LDAH: variants seen among roughly 807,000 people sequenced by gnomAD.
LDAH encodes the protein lipid droplet-associated hydrolase.
Under a neutral mutation model 29.6 loss-of-function variants are expected in LDAH, and 26 were observed. That is an observed-to-expected ratio of 0.88 (90% confidence interval 0.64 to 1.22). The LOEUF is 1.22. Ranked by LOEUF, LDAH falls within the 50% of genes most tolerant of loss-of-function variation. The probability of loss-of-function intolerance (pLI) is 0.00; values close to 1 mark genes in which losing one functional copy is unlikely to be tolerated. For missense variants in LDAH, 344 were observed against 387.3 expected (o/e 0.89, Z 0.94); for synonymous variants, 117 against 133.0 (o/e 0.88, Z 0.83).
intron 5 of LDAH, among the ~76,000 whole-genome samples, chr2:20,725,647 T>C (rs1442178926): frequency 1.3e-5 from 2 of 152,234 alleles, no homozygotes; most frequent in Non-Finnish European, 2.9e-5. Flanking sequence ...CTTGATTGAC[T>C]CTACTGAGTC....
chr2:20,792,274 T>C (rs1251084389), intron 2 of LDAH, among the ~76,000 whole-genome samples: 1 of 152,138 alleles, frequency 6.6e-6, no homozygotes, highest in Non-Finnish European at 1.5e-5. Context: ...TAATAGCTAA[T>C]ATTTTTAGGT....
In LDAH at chr2:20,799,015, C is replaced by A. The variant is rs185096334; in HGVS notation, c.154+2295G>T. On this transcript the variant is annotated intron_variant, in intron 2 of 6. Coordinates refer to ENST00000237822, the MANE Select transcript of LDAH (RefSeq NM_021925.4). ...GCTGGGGTGGGCAGATCACTTGAGG[C>A]CAGGAGTTCGACACACGCCTGGCCA... 3.7e-4 allele frequency among the ~76,000 whole-genome samples: 57 copies of A among 152,120 alleles called. No homozygotes were observed. The South Asian group carries it at 6.0e-3, about 16-fold the overall frequency.
chr2:20,764,284 GACTT>G (rs1272820813), intron 4 of LDAH, among the ~76,000 whole-genome samples: 2 of 152,222 alleles, frequency 1.3e-5, no homozygotes, highest in Non-Finnish European at 2.9e-5. Flanking sequence ...TAGAGTAAGA[GACTT>G]ACGGTTTTCT....
At chr2:20,769,713 A>G (rs1292953245) in intron 4 of LDAH, among the ~76,000 whole-genome samples, 1 of 152,184 alleles carries the variant, frequency 6.6e-6, no homozygotes, top group Non-Finnish European at 1.5e-5. Flanking sequence ...TGAGTACTTA[A>G]AATGCCCCAA....
chr2:20,782,794 T>C (rs1670285336), intron 3 of LDAH, among the ~76,000 whole-genome samples: 1 of 152,176 alleles, frequency 6.6e-6, no homozygotes, highest in African/African-American at 2.4e-5. Context: ...TGATTTTTTT[T>C]CTAATAATTT....
At chr2:20,754,863 G>A (rs1668220040) in intron 4 of LDAH, among the ~76,000 whole-genome samples, 1 of 152,128 alleles carries the variant, frequency 6.6e-6, no homozygotes, top group African/African-American at 2.4e-5. Flanking sequence ...GAAAATTCAA[G>A]GCAATACCTG....
chr2:20,820,296 T>C (rs1444607009), intron 1 of LDAH, among the ~76,000 whole-genome samples: 26 of 152,176 alleles, frequency 1.7e-4, no homozygotes, highest in Admixed American at 3.3e-4. Context: ...AAAAAGAGCC[T>C]GCATTGCCAA....
chr2:20,786,256 C>T (rs538062152), intron 3 of LDAH, among the ~76,000 whole-genome samples: 1 of 152,144 alleles, frequency 6.6e-6, no homozygotes, highest in South Asian at 2.1e-4. Flanking sequence ...GTGGCACTAT[C>T]TCGGCTCACT....
chr2:20,762,348 T>C (rs1413447792), intron 4 of LDAH, among the ~76,000 whole-genome samples: 2 of 152,150 alleles, frequency 1.3e-5, no homozygotes, highest in Non-Finnish European at 2.9e-5. Flanking sequence ...TAATACATGG[T>C]CATTATAAAG....
chr2:20,736,107 G>A (rs1666763838), intron 5 of LDAH, among the ~76,000 whole-genome samples: 1 of 152,192 alleles, frequency 6.6e-6, no homozygotes, highest in African/African-American at 2.4e-5. Flanking sequence ...GGCTGGAGTA[G>A]AGTAGAGCAG....
intron 5 of LDAH, among the ~76,000 whole-genome samples, chr2:20,733,898 A>G (rs1326573545): frequency 1.3e-5 from 2 of 152,166 alleles, no homozygotes; most frequent in Non-Finnish European, 2.9e-5. Flanking sequence ...TGAGTTGTTT[A>G]GAAGTGTGCG....
intron 5 of LDAH, among the ~76,000 whole-genome samples, chr2:20,719,282 A>G (rs1665474025): frequency 6.6e-6 from 1 of 151,188 alleles, no homozygotes; most frequent in South Asian, 2.1e-4. Context: ...CCAAATAGGT[A>G]AAATCAGAGA....
At chr2:20,760,683 C>T (rs1037142158) in intron 4 of LDAH, among the ~76,000 whole-genome samples, 45 of 152,192 alleles carry the variant, frequency 3.0e-4, no homozygotes, top group African/African-American at 1.1e-3. Flanking sequence ...GCCATATAGG[C>T]CGCCCAACAT....
chr2:20,710,520 T>C (rs1664636705), intron 5 of LDAH, among the ~76,000 whole-genome samples: 1 of 150,718 alleles, frequency 6.6e-6, no homozygotes, highest in Admixed American at 6.6e-5. Flanking sequence ...GAAATATTGA[T>C]TCTACATAAA....
chr2:20,712,169 C>G (rs1036443504), intron 5 of LDAH, among the ~76,000 whole-genome samples: 1 of 152,206 alleles, frequency 6.6e-6, no homozygotes, highest in Non-Finnish European at 1.5e-5. Flanking sequence ...CCCTCTGGGA[C>G]AAAGCTTCCA....
At chr2:20,722,414 G>T (rs1027083842) in intron 5 of LDAH, among the ~76,000 whole-genome samples, 16 of 149,632 alleles carry the variant, frequency 1.1e-4, no homozygotes, top group African/African-American at 3.7e-4. Flanking sequence ...AATCTCACAG[G>T]GGTAGACAGT....
chr2:20,790,945 AG>A (rs971192746), intron 2 of LDAH, among the ~76,000 whole-genome samples: 1 of 152,150 alleles, frequency 6.6e-6, no homozygotes, highest in Non-Finnish European at 1.5e-5. Context: ...ATAGATCTGT[AG>A]GGGGGAAATT....
At chr2:20,806,501 T>C (rs1572673959) in intron 1 of LDAH, among the ~76,000 whole-genome samples, 1 of 152,128 alleles carries the variant, frequency 6.6e-6, no homozygotes, top group South Asian at 2.1e-4. Flanking sequence ...AAATTTTTAA[T>C]TGGTAACAGA....
In LDAH at chr2:20,685,378, G is replaced by A; in HGVS notation, c.*1525C>T. ...CGATTTCTAGGCCTCTCATGCAGAT[G>A]CCAATAAAGGATCTGTGTACAGCCC... On this transcript the variant is annotated 3_prime_UTR_variant, in exon 7 of 7. Transcript: ENST00000237822. The A allele has an allele frequency of 1.3e-6, 1 of 792,084 alleles. No individual in the cohort carries two copies. The allele number at this position is 792,084 out of a possible 1,614,324, so 49.1% of individuals were successfully genotyped here. A position where few individuals can be genotyped will look rare whatever the true frequency, so the allele number is the denominator to read the frequency against.
Sources: gnomAD v4.1 joint callset for allele counts (sites outside exome capture counted in the v4.1 genomes callset) on GRCh38, gnomAD v4.1.1 for gene constraint, MANE v1.5 for transcripts, NCBI Gene and HGNC (gene_info 2026-07-23, HGNC 2026-07-21) for gene names.